Variants in NTM observed in about 807,000 individuals in gnomAD.
NTM encodes IgLON family member 2.
Under a neutral mutation model 42.1 loss-of-function variants are expected in NTM, and 13 were observed. The ratio of observed to expected loss-of-function variants is 0.31; its 90% CI spans 0.20 to 0.49. The LOEUF is 0.49. NTM is among the 20% of genes least tolerant of loss of function. The pLI is 0.99. For synonymous variants in NTM, 187 were observed against 179.2 expected (o/e 1.04, Z -0.35); for missense variants, 373 against 452.8 (o/e 0.82, Z 1.60).
chr11:131,823,524 GT>G (rs1267101809), intron 1 of NTM, among the ~76,000 whole-genome samples: 1 of 152,000 alleles, frequency 6.6e-6, no homozygotes, highest in African/African-American at 2.4e-5. Context: ...TAATTAATAA[GT>G]TCTATATCTG....
intron 1 of NTM, among the ~76,000 whole-genome samples, chr11:131,474,198 C>G (rs938332906): frequency 6.6e-6 from 1 of 152,144 alleles, no homozygotes; most frequent in Non-Finnish European, 1.5e-5. Flanking sequence ...ATGCTCTGAT[C>G]TTTCTCTGAA....
rs972785079 is a variant in NTM, at chr11:131,838,673, G to A, written c.83-72891G>A. Among the ~76,000 whole-genome samples the A allele has an allele frequency of 3.3e-5, 5 of 152,064 alleles. No individual in the cohort carries two copies. In the East Asian group the frequency reaches 5.8e-4, roughly 18 times the overall value. ...TGTGTGTGCGTACAATGTCATATGC[G>A]CACTCAAACTGATCTGATAGAAGAT... On this transcript the variant is annotated intron_variant, in intron 1 of 8. Coordinates refer to ENST00000683400, the MANE Select transcript of NTM (RefSeq NM_001352005.2).
chr11:131,524,791 A>G (rs2050223830), intron 1 of NTM, among the ~76,000 whole-genome samples: 1 of 152,182 alleles, frequency 6.6e-6, no homozygotes. Context: ...AATTCAGACT[A>G]TGACACTGAT....
chr11:131,372,443 A>C (rs1565436707), intron 1 of NTM, among the ~76,000 whole-genome samples: 1 of 151,318 alleles, frequency 6.6e-6, no homozygotes, highest in Non-Finnish European at 1.5e-5. Flanking sequence ...AAGCAGTATC[A>C]GTGTGTGTGT....
intron 1 of NTM, among the ~76,000 whole-genome samples, chr11:131,738,013 T>G (rs530450667): frequency 1.4e-4 from 22 of 152,184 alleles, no homozygotes; most frequent in Non-Finnish European, 2.2e-4. Flanking sequence ...GTAATTACAC[T>G]GTAGATCAAA....
At chr11:132,319,536 G>A (rs372421474) in intron 7 of NTM, among the ~76,000 whole-genome samples, 25 of 152,310 alleles carry the variant, frequency 1.6e-4, no homozygotes, top group East Asian at 5.8e-4. Context: ...ACAGCAGTCC[G>A]AAATCAAACT....
chr11:131,446,271 C>T (rs751406587), intron 1 of NTM, among the ~76,000 whole-genome samples: 3 of 152,106 alleles, frequency 2.0e-5, no homozygotes, highest in Non-Finnish European at 4.4e-5. Flanking sequence ...ATTACCGTCC[C>T]TAGGAGAGAA....
At chr11:131,915,113 C>G (rs1311768533) in intron 2 of NTM, among the ~76,000 whole-genome samples, 1 of 152,202 alleles carries the variant, frequency 6.6e-6, no homozygotes, top group Non-Finnish European at 1.5e-5. Flanking sequence ...ACATTTACTC[C>G]TCACACCTCT....
intron 1 of NTM, among the ~76,000 whole-genome samples, chr11:131,573,823 G>A (rs995208176): frequency 2.0e-5 from 3 of 151,990 alleles, no homozygotes; most frequent in Admixed American, 2.0e-4. Context: ...CTCTCGAGTT[G>A]GTGACCAAAA....
Position 132,140,846 on chromosome 11 carries a change from C to T in NTM, c.168-5436C>T, listed in dbSNP as rs1030899874. On this transcript the variant is annotated intron_variant, in intron 2 of 8. Coordinates refer to ENST00000683400, the MANE Select transcript of NTM (RefSeq NM_001352005.2). Reference sequence around the variant, plus strand: ...TTGAGGGGAGGGGCAGGGCACAAGCCGAATGCTCAGAGGCACCAAACTTAG... The same window carrying T: ...TTGAGGGGAGGGGCAGGGCACAAGCTGAATGCTCAGAGGCACCAAACTTAG... Among the ~76,000 whole-genome samples, 78 of 152,118 alleles carry T rather than the reference C, an allele frequency of 5.1e-4. 1 individual carries two copies. The highest frequency in any genetic ancestry group is 9.2e-4 in the Admixed American group (14 of 15,276).
chr11:132,319,305 C>A (rs1164726346), intron 7 of NTM, among the ~76,000 whole-genome samples: 2 of 152,124 alleles, frequency 1.3e-5, no homozygotes, highest in African/African-American at 2.4e-5. Context: ...GTGTGCGAGC[C>A]GAAGCATGGC....
intron 4 of NTM, among the ~76,000 whole-genome samples, chr11:132,283,960 C>G (rs535005942): frequency 6.6e-6 from 1 of 152,302 alleles, no homozygotes; most frequent in East Asian, 1.9e-4. Context: ...TCCTGGCCTC[C>G]TCTCCTCCTC....
intron 1 of NTM, among the ~76,000 whole-genome samples, chr11:131,679,291 A>G (rs1050834237): frequency 1.3e-5 from 2 of 152,172 alleles, no homozygotes; most frequent in Non-Finnish European, 2.9e-5. Context: ...CGTTCCATGC[A>G]TGAAAAGAAG....
At chr11:131,447,934 C>T (rs983088759) in intron 1 of NTM, among the ~76,000 whole-genome samples, 2 of 152,204 alleles carry the variant, frequency 1.3e-5, no homozygotes, top group Admixed American at 1.3e-4. Flanking sequence ...CCTTGTACTT[C>T]TGCGTCTTGG....
intron 1 of NTM, among the ~76,000 whole-genome samples, chr11:131,904,983 C>A (rs1052317012): frequency 2.6e-5 from 4 of 152,188 alleles, no homozygotes; most frequent in African/African-American, 9.7e-5. Context: ...CCAGGGCCTG[C>A]ACTCAGCAGT....
chr11:132,251,068 T>A (rs550095854), intron 4 of NTM, among the ~76,000 whole-genome samples: 3 of 152,234 alleles, frequency 2.0e-5, no homozygotes, highest in Non-Finnish European at 2.9e-5. Flanking sequence ...ATTAAGGGTG[T>A]CTAATTTCTG....
intron 1 of NTM, among the ~76,000 whole-genome samples, chr11:131,646,566 T>G (rs1271267715): frequency 6.6e-6 from 1 of 152,232 alleles, no homozygotes; most frequent in East Asian, 1.9e-4. Flanking sequence ...AGTTCCAGAT[T>G]TTTTATTGTG....
At chr11:131,658,569 G>A (rs1397684021) in intron 1 of NTM, among the ~76,000 whole-genome samples, 1 of 152,200 alleles carries the variant, frequency 6.6e-6, no homozygotes, top group East Asian at 1.9e-4. Flanking sequence ...GCCTTGCTCT[G>A]ATTCAGCGAC....
rs115783264 is a variant in NTM, at chr11:131,492,360, C to A, written c.82+121472C>A. Among the ~76,000 whole-genome samples the A allele has an allele frequency of 3.2e-3, 485 of 151,912 alleles. 4 individuals carry two copies. The highest frequency in any genetic ancestry group is 0.011 in the African/African-American group (443 of 41,418). On this transcript the variant is annotated intron_variant, in intron 1 of 8. Coordinates refer to ENST00000683400, the MANE Select transcript of NTM (RefSeq NM_001352005.2). ...TGAAAGCCAACCCTTGAGTGCATTT[C>A]ATTTTCTCACATTGTGTATTAATAA...
Sources: allele counts gnomAD v4.1 joint callset (sites outside exome capture counted in the v4.1 genomes callset), GRCh38; gene constraint gnomAD v4.1.1; transcripts MANE v1.5; gene names NCBI Gene and HGNC (gene_info 2026-07-23, HGNC 2026-07-21).